The following DNAJC7 variants were observed in gnomAD, a reference collection of about 807,000 sequenced individuals.
The protein encoded by DNAJC7 is DnaJ heat shock protein family (Hsp40) member C7.
DNAJC7 carries 18 observed loss-of-function variants against 67.4 expected under a neutral mutation model. The ratio of observed to expected loss-of-function variants is 0.27; its 90% confidence interval spans 0.18 to 0.40. DNAJC7 has a LOEUF of 0.40. DNAJC7 is among the 10% of genes least tolerant of loss of function. DNAJC7 has a pLI of 1.00. For missense variants in DNAJC7, 419 were observed against 613.8 expected (o/e 0.68, Z 3.35); for synonymous variants, 220 against 207.8 (o/e 1.06, Z -0.50).
At chr17:42,016,908 C>A (rs1226725815) in intron 1 of DNAJC7, 2 of 1,072,432 alleles carry the variant, frequency 1.9e-6, no homozygotes, top group South Asian at 4.4e-5. Context: ...CAAGGGAAAA[C>A]GGGGTGAGGA....
At chr17:41,988,940 C>T (rs1419554683) in intron 7 of DNAJC7, 44 bp from the exon 8 acceptor site, 1 of 1,603,436 alleles carries the variant, frequency 6.2e-7, no homozygotes, top group African/African-American at 1.3e-5. Context: ...ATCCACAAAG[C>T]CTCAGACCAT....
intron 1 of DNAJC7, 167 bp downstream of exon 1, chr17:42,017,173 A>C (rs2052324983): frequency 6.5e-7 from 1 of 1,530,414 alleles, no homozygotes; most frequent in Admixed American, 2.0e-5. Flanking sequence ...GCCGACCCCC[A>C]AGAGCGCCCC....
intron 12 of DNAJC7, chr17:41,981,612 G>T: frequency 2.1e-6 from 1 of 480,852 alleles, no homozygotes; most frequent in Non-Finnish European, 3.6e-6. Context: ...TTACAGGCAT[G>T]ACCCATGGGG....
chr17:41,999,480 C>G (rs568702900), intron 2 of DNAJC7, among the ~76,000 whole-genome samples: 21 of 152,052 alleles, frequency 1.4e-4, no homozygotes, highest in Non-Finnish European at 2.4e-4. Context: ...ACCCATTGGG[C>G]AAAAGGCTAC....
Position 42,017,420 on chromosome 17 carries a change from A to G in DNAJC7, c.-4T>C, listed in dbSNP as rs781963679. 11 of 1,606,130 alleles carry G rather than the reference A, an allele frequency of 6.8e-6. No individual in the cohort carries two copies. In the Admixed American group the frequency reaches 1.5e-4, roughly 22 times the overall value. On this transcript the variant is annotated 5_prime_UTR_variant, in exon 1 of 14. Transcript: ENST00000457167. ...CGCACTCCGCGGCAGCCGCCATCTTACCGCCGGGACCAGAGAGCTGGGTGG... is the reference window on the plus strand; with the variant it reads ...CGCACTCCGCGGCAGCCGCCATCTTGCCGCCGGGACCAGAGAGCTGGGTGG...
chr17:41,996,419 A>T lies in DNAJC7; in HGVS notation c.297T>A (p.His99Gln). Residue 99 changes from histidine to glutamine, a missense_variant, in exon 4 of 14, where the codon CAT becomes CAA. Coordinates refer to ENST00000457167, the MANE Select transcript of DNAJC7 (RefSeq NM_003315.4). ...VRLDDSFVRG[H>Q]LREGKCHLSL... ...AGAGGTGGCACTTGCCCTCTCGTAG[A>T]TGTCCCTAAAAGAACACCAAGAGGG... 6.2e-7 allele frequency: 1 copy of T among 1,613,134 alleles called. No homozygotes were observed. The highest frequency in any genetic ancestry group is 1.1e-5 in the South Asian group (1 of 91,026).
chr17:42,007,554 C>T (rs1264679477), intron 1 of DNAJC7, among the ~76,000 whole-genome samples: 1 of 152,052 alleles, frequency 6.6e-6, no homozygotes, highest in East Asian at 1.9e-4. Context: ...GAGACAGTCT[C>T]ATTCTATTGC....
chr17:41,987,959 G>A, intron 8 of DNAJC7, 49 bp from the exon 9 acceptor site: 1 of 1,511,648 alleles, frequency 6.6e-7, no homozygotes, highest in South Asian at 1.2e-5. Flanking sequence ...GTGACTGAGG[G>A]AGCCCAGAAG....
intron 1 of DNAJC7, among the ~76,000 whole-genome samples, chr17:42,003,924 C>T (rs1191914747): frequency 1.4e-5 from 2 of 141,948 alleles, no homozygotes; most frequent in Non-Finnish European, 3.1e-5. Context: ...TTCAGATTTT[C>T]GAAGCATTTC....
intron 12 of DNAJC7, among the ~76,000 whole-genome samples, chr17:41,979,854 G>A (rs1335422181): frequency 7.4e-5 from 11 of 147,790 alleles, no homozygotes; most frequent in East Asian, 4.2e-4. Context: ...CCAGCTACTC[G>A]GGAGGCTGAG....
At chr17:41,992,962 A>G (rs1389623150) in intron 5 of DNAJC7, among the ~76,000 whole-genome samples, 3 of 152,236 alleles carry the variant, frequency 2.0e-5, no homozygotes, top group Non-Finnish European at 4.4e-5. Context: ...AGTAGGCAGA[A>G]TTGCTTTCCA....
intron 9 of DNAJC7, among the ~76,000 whole-genome samples, chr17:41,986,760 T>G (rs1420675626): frequency 6.6e-6 from 1 of 152,130 alleles, no homozygotes; most frequent in Admixed American, 6.6e-5. Context: ...GACTTAGTCA[T>G]CAACTTAGAA....
At chr17:42,009,960 G>A (rs1555650854) in intron 1 of DNAJC7, among the ~76,000 whole-genome samples, 1 of 151,772 alleles carries the variant, frequency 6.6e-6, no homozygotes, top group East Asian at 2.0e-4. Context: ...TGGCCAACAT[G>A]GTGAAACCCG....
chr17:41,998,706 T>C (rs192014076), intron 2 of DNAJC7, among the ~76,000 whole-genome samples: 2 of 152,252 alleles, frequency 1.3e-5, no homozygotes, highest in East Asian at 3.9e-4. Flanking sequence ...TGACACGGGA[T>C]TAAAGTATGC....
chr17:41,995,206 G>A (rs782442010), intron 4 of DNAJC7, among the ~76,000 whole-genome samples: 6 of 152,086 alleles, frequency 3.9e-5, no homozygotes, highest in Non-Finnish European at 7.4e-5. Context: ...GAAGTCCCTA[G>A]GAGATTTTCT....
Position 42,006,443 on chromosome 17 carries a change from C to T in DNAJC7, c.78-5873G>A, listed in dbSNP as rs568305093. On this transcript the variant is annotated intron_variant, in intron 1 of 13. Transcript: ENST00000457167. ...AGAAGACCTCCTGAGCCCAGGAGGTCGAGGCTGCAGCAAACCATGTTCCTG... is the reference window on the plus strand; with the variant it reads ...AGAAGACCTCCTGAGCCCAGGAGGTTGAGGCTGCAGCAAACCATGTTCCTG... Among the ~76,000 whole-genome samples, 374 of 151,450 alleles carry T rather than the reference C, an allele frequency of 2.5e-3. 2 individuals carry two copies. Among genetic ancestry groups the T allele is most frequent in the African/African-American group, 8.6e-3 (354 of 41,274 alleles).
intron 2 of DNAJC7, 127 bp from the exon 3 acceptor site, chr17:41,997,366 C>A (rs1383737841): frequency 2.5e-6 from 3 of 1,207,292 alleles, no homozygotes; most frequent in Admixed American, 2.5e-5. Flanking sequence ...AGAGGGGAGA[C>A]CACTTGAGGT....
chr17:42,005,633 C>T (rs534600620), intron 1 of DNAJC7, among the ~76,000 whole-genome samples: 3 of 152,134 alleles, frequency 2.0e-5, no homozygotes, highest in Non-Finnish European at 4.4e-5. Flanking sequence ...CACCTCACTG[C>T]ATGAAAAACA....
At chr17:42,007,651 G>A (rs2052002378) in intron 1 of DNAJC7, among the ~76,000 whole-genome samples, 1 of 151,566 alleles carries the variant, frequency 6.6e-6, no homozygotes, top group African/African-American at 2.4e-5. Context: ...AGCCTCCCTG[G>A]TAGCTGGGAC....
Sources: gnomAD v4.1 joint callset for allele counts (sites outside exome capture counted in the v4.1 genomes callset) on GRCh38, gnomAD v4.1.1 for gene constraint, MANE v1.5 for transcripts, NCBI Gene and HGNC (gene_info 2026-07-23, HGNC 2026-07-21) for gene names.